ANK2: variants seen among roughly 807,000 people sequenced by gnomAD.
ANK2 encodes the protein ankyrin-2.
In ANK2, 83 loss-of-function variants were observed where a neutral mutation model predicts 360.5. The ratio of observed to expected loss-of-function variants is 0.23; its 90% CI spans 0.19 to 0.28. The LOEUF (loss-of-function observed/expected upper bound fraction) is 0.28, where lower values mean the gene tolerates loss of function less well. Ranked by LOEUF, ANK2 falls within the 10% of genes least tolerant of loss-of-function variation. The pLI, the probability that ANK2 is intolerant of heterozygous loss-of-function variation, is 1.00. For synonymous variants in ANK2, 1,740 were observed against 1,759.5 expected, an observed-to-expected ratio of 0.99 and a Z score of 0.28; for missense variants, 4,201 against 4,795.7, an observed-to-expected ratio of 0.88 and a Z score of 3.66.
chr4:112,801,569 G>A, the ANK2 span, among the ~76,000 whole-genome samples: 1 of 152,168 alleles, frequency 6.6e-6, no homozygotes, highest in African/African-American at 2.4e-5. Context: ...TTAGGGCAAG[G>A]CTTCCTGGAG....
chr4:113,113,627 T>A (rs1167549107), intron 1 of ANK2, among the ~76,000 whole-genome samples: 1 of 152,168 alleles, frequency 6.6e-6, no homozygotes, highest in Non-Finnish European at 1.5e-5. Flanking sequence ...GTGGAAGGAA[T>A]CAGCTTTTGT....
intron 2 of ANK2, among the ~76,000 whole-genome samples, chr4:112,938,003 A>C (rs1228778618): frequency 2.4e-4 from 36 of 152,354 alleles, no homozygotes; most frequent in Non-Finnish European, 1.8e-4. Context: ...CACTTGGAAC[A>C]GTTTATTATA....
intron 2 of ANK2, among the ~76,000 whole-genome samples, chr4:112,981,491 A>C (rs2043102025): frequency 6.6e-6 from 1 of 152,214 alleles, no homozygotes; most frequent in African/African-American, 2.4e-5. Flanking sequence ...GACCTTGCAG[A>C]GGTGGAACCA....
At chr4:113,245,454 G>A (rs1306025698) in intron 9 of ANK2, among the ~76,000 whole-genome samples, 3 of 152,138 alleles carry the variant, frequency 2.0e-5, no homozygotes, top group African/African-American at 2.4e-5. Flanking sequence ...CTGCAGGGCT[G>A]GGGAGGCATC....
chr4:112,758,885 T>C, the ANK2 span, among the ~76,000 whole-genome samples: 1 of 152,136 alleles, frequency 6.6e-6, no homozygotes. Flanking sequence ...ACTTTGGGGA[T>C]GAGGAACCTT....
chr4:112,794,367 T>C, the ANK2 span, among the ~76,000 whole-genome samples: 2 of 152,178 alleles, frequency 1.3e-5, no homozygotes, highest in South Asian at 4.1e-4. Flanking sequence ...AATCAGATCA[T>C]TTGTTGGGAG....
chr4:113,257,156 T>C (rs1438376473), intron 11 of ANK2, among the ~76,000 whole-genome samples: 1 of 152,216 alleles, frequency 6.6e-6, no homozygotes, highest in African/African-American at 2.4e-5. Flanking sequence ...TGATGATTGG[T>C]CCATGTTGGG....
intron 1 of ANK2, among the ~76,000 whole-genome samples, chr4:113,062,320 A>G (rs1322637954): frequency 2.6e-5 from 4 of 152,118 alleles, no homozygotes; most frequent in African/African-American, 9.6e-5. Context: ...AGTATCATGT[A>G]CATTTCAGTT....
intron 1 of ANK2, among the ~76,000 whole-genome samples, chr4:113,109,685 T>G (rs1475905596): frequency 6.6e-6 from 1 of 152,170 alleles, no homozygotes; most frequent in Non-Finnish European, 1.5e-5. Flanking sequence ...GGTTCCATTT[T>G]CCTTCAGTTT....
At chr4:113,267,483 C>A (rs1396231989) in intron 14 of ANK2, among the ~76,000 whole-genome samples, 1 of 152,158 alleles carries the variant, frequency 6.6e-6, no homozygotes, top group Non-Finnish European at 1.5e-5. Flanking sequence ...GCCAGTTTTC[C>A]CAACACCATT....
intron 1 of ANK2, among the ~76,000 whole-genome samples, chr4:112,883,250 G>T (rs553005530): frequency 5.9e-5 from 9 of 151,772 alleles, no homozygotes; most frequent in Non-Finnish European, 1.0e-4. Context: ...TGTTGGCCAG[G>T]CTGGTCTCGA....
chr4:112,752,303 G>A, the ANK2 span, among the ~76,000 whole-genome samples: 3 of 152,366 alleles, frequency 2.0e-5, no homozygotes, highest in African/African-American at 4.8e-5. Flanking sequence ...TCACCCAGTC[G>A]CTGGGCTGGG....
intron 43 of ANK2, among the ~76,000 whole-genome samples, chr4:113,371,494 T>C (rs17483176): frequency 0.1 from 15,924 of 152,226 alleles, 952 homozygotes; most frequent in Middle Eastern, 0.19. Context: ...CTTGAAACAA[T>C]TATCTGGATA....
chr4:113,372,383 C>G, intron 43 of ANK2: 1 of 558,274 alleles, frequency 1.8e-6, no homozygotes, highest in South Asian at 2.4e-5. Context: ...TGTCTGAGAC[C>G]AGCACGTATT....
chr4:112,775,378 G>T, the ANK2 span, among the ~76,000 whole-genome samples: 1 of 151,944 alleles, frequency 6.6e-6, no homozygotes, highest in African/African-American at 2.4e-5. Flanking sequence ...AATTAGCTGG[G>T]TGTGGTGGCA....
intron 35 of ANK2, chr4:113,348,021 C>A: frequency 2.0e-6 from 1 of 510,372 alleles, no homozygotes; most frequent in South Asian, 2.5e-5. Flanking sequence ...CCGTGGTGAC[C>A]TAGTATCTGG....
chr4:113,191,153 A>G (rs2098656120), intron 2 of ANK2, among the ~76,000 whole-genome samples: 1 of 152,178 alleles, frequency 6.6e-6, no homozygotes, highest in Non-Finnish European at 1.5e-5. Context: ...CATCCTGGCC[A>G]ACAGGGTGAA....
intron 1 of ANK2, among the ~76,000 whole-genome samples, chr4:113,120,853 A>G (rs965100926): frequency 6.6e-6 from 1 of 152,148 alleles, no homozygotes; most frequent in Non-Finnish European, 1.5e-5. Flanking sequence ...GTAAGAACAT[A>G]AAGTATATAT....
chr4:113,076,136 C>T (rs920390653), intron 1 of ANK2, among the ~76,000 whole-genome samples: 2 of 152,188 alleles, frequency 1.3e-5, no homozygotes, highest in Admixed American at 6.5e-5. Context: ...TTCACTGGGC[C>T]GCATTAGAAG....
Sources: gnomAD v4.1 joint callset for allele counts (sites outside exome capture counted in the v4.1 genomes callset) on GRCh38, gnomAD v4.1.1 for gene constraint, MANE v1.5 for transcripts, NCBI Gene and HGNC (gene_info 2026-07-23, HGNC 2026-07-21) for gene names.